Variants in GPC6 observed in about 807,000 individuals in gnomAD.
GPC6 encodes the protein glypican 6, also known as glypican-6.
In GPC6, 14 loss-of-function variants were observed where a neutral mutation model predicts 55.2. That is an observed-to-expected ratio of 0.25 (90% CI 0.17 to 0.40). The LOEUF is 0.40. Ranked by LOEUF, GPC6 falls within the 10% of genes least tolerant of loss-of-function variation. The pLI is 1.00. For synonymous variants in GPC6, 278 were observed against 259.6 expected (o/e 1.07, Z -0.68); for missense variants, 641 against 708.5 (o/e 0.90, Z 1.08).
intron 1 of GPC6, among the ~76,000 whole-genome samples, chr13:93,415,845 A>G (rs1876678530): frequency 6.6e-6 from 1 of 151,858 alleles, no homozygotes; most frequent in African/African-American, 2.4e-5. Context: ...CATCTTTTTT[A>G]TTGACGTGTT....
chr13:93,832,144 T>A (rs760955020), intron 3 of GPC6, among the ~76,000 whole-genome samples: 7 of 100,808 alleles, frequency 6.9e-5, no homozygotes, highest in Non-Finnish European at 1.1e-4. Flanking sequence ...TATATATATA[T>A]AATGTCCTTA....
intron 6 of GPC6, among the ~76,000 whole-genome samples, chr13:94,323,834 G>A (rs116441567): frequency 0.014 from 2,097 of 152,212 alleles, 46 homozygotes; most frequent in African/African-American, 0.043. Context: ...CATTTATTCA[G>A]TGACTCTTCA....
Position 93,581,596 on chromosome 13 carries a change from A to C in GPC6, c.319+36175A>C, listed in dbSNP as rs539851984. On this transcript the variant is annotated intron_variant, in intron 2 of 8. Coordinates refer to ENST00000377047, the MANE Select transcript of GPC6 (RefSeq NM_005708.5). ...GTGGTGCACTCCTGTAGTCTTAGCT[A>C]CTCGGGAGGCTGAGGTGGGAGAATC... is the stretch of plus-strand genomic sequence containing the variant. Among the ~76,000 whole-genome samples, 13 of 152,198 alleles carry C rather than the reference A, an allele frequency of 8.5e-5. No individual in the cohort carries two copies. In the East Asian group the frequency reaches 2.5e-3, roughly 29 times the overall value.
At chr13:93,887,982 T>G (rs898175529) in intron 3 of GPC6, among the ~76,000 whole-genome samples, 1 of 152,128 alleles carries the variant, frequency 6.6e-6, no homozygotes, top group African/African-American at 2.4e-5. Context: ...TGGGGTCCAC[T>G]CCATAGCATA....
At chr13:93,820,199 A>G (rs1361095847) in intron 2 of GPC6, among the ~76,000 whole-genome samples, 1 of 152,160 alleles carries the variant, frequency 6.6e-6, no homozygotes, top group Admixed American at 6.5e-5. Context: ...AAAGTTTATT[A>G]AATTAGACAC....
intron 2 of GPC6, among the ~76,000 whole-genome samples, chr13:93,811,071 G>A (rs61962145): frequency 3.3e-5 from 5 of 152,162 alleles, no homozygotes; most frequent in African/African-American, 1.2e-4. Context: ...AAATTACCTT[G>A]TATTCATTTA....
At chr13:93,897,044 A>ATG (rs1326044774) in intron 3 of GPC6, among the ~76,000 whole-genome samples, 2 of 148,738 alleles carry the variant, frequency 1.3e-5, no homozygotes, top group African/African-American at 2.5e-5. Flanking sequence ...AGTATTAGCT[A>ATG]TGTGTGTGTG....
In GPC6 at chr13:94,188,170, A is replaced by C. The variant is rs538729938; in HGVS notation, c.878-98179A>C. 7.2e-5 allele frequency among the ~76,000 whole-genome samples: 11 copies of C among 152,310 alleles called. No homozygotes were observed. In the South Asian group the frequency reaches 2.3e-3, roughly 32 times the overall value. ...ATGATACTCACTTCATGTCTCAGTG[A>C]CCTAGAAAGGAGTGTGTGCACTAAG... On this transcript the variant is annotated intron_variant, in intron 4 of 8. Coordinates refer to ENST00000377047, the MANE Select transcript of GPC6 (RefSeq NM_005708.5).
At chr13:93,525,361 G>A (rs1262874552) in intron 1 of GPC6, among the ~76,000 whole-genome samples, 1 of 151,988 alleles carries the variant, frequency 6.6e-6, no homozygotes, top group African/African-American at 2.4e-5. Context: ...CTCACAAAAT[G>A]TGCTATCAAA....
rs1350574961 is a variant in GPC6, at chr13:93,805,265, A to G, written c.320-24889A>G. Among the ~76,000 whole-genome samples, 3 of 152,198 alleles carry G rather than the reference A, an allele frequency of 2.0e-5. No individual in the cohort carries two copies. In the East Asian group the frequency reaches 5.8e-4, roughly 29 times the overall value. ...ATTAAATCTATACTTATAGTTATCA[A>G]TATAATAACATATTACACTTATATA... On this transcript the variant is annotated intron_variant, in intron 2 of 8. Transcript: ENST00000377047.
chr13:94,368,210 A>G (rs1291633413), intron 6 of GPC6, among the ~76,000 whole-genome samples: 1 of 151,808 alleles, frequency 6.6e-6, no homozygotes, highest in Admixed American at 6.6e-5. Context: ...GAAACAGACT[A>G]GAAATTATCA....
intron 1 of GPC6, among the ~76,000 whole-genome samples, chr13:93,275,670 T>A (rs1877708151): frequency 6.6e-6 from 1 of 152,164 alleles, no homozygotes; most frequent in Admixed American, 6.6e-5. Context: ...TGTGTGTGCA[T>A]CCTTGGTGTC....
chr13:94,181,700 T>G (rs1404450457), intron 4 of GPC6, among the ~76,000 whole-genome samples: 1 of 152,180 alleles, frequency 6.6e-6, no homozygotes, highest in Non-Finnish European at 1.5e-5. Context: ...AACTTTTAAT[T>G]TCAGAGTCAT....
intron 2 of GPC6, among the ~76,000 whole-genome samples, chr13:93,745,959 A>T (rs1008495905): frequency 1.3e-5 from 2 of 152,222 alleles, no homozygotes; most frequent in Non-Finnish European, 2.9e-5. Context: ...CAAATCAGTG[A>T]TAATGAAATT....
chr13:93,387,725 T>G (rs1282017351), intron 1 of GPC6, among the ~76,000 whole-genome samples: 1 of 152,174 alleles, frequency 6.6e-6, no homozygotes, highest in Non-Finnish European at 1.5e-5. Flanking sequence ...TAAAATGCTA[T>G]TAATTTGCTC....
chr13:94,367,790 T>C (rs2389092), intron 6 of GPC6, among the ~76,000 whole-genome samples: 1 of 151,930 alleles, frequency 6.6e-6, no homozygotes, highest in South Asian at 2.1e-4. Context: ...CCTACTTTTT[T>C]AAAATTTTTA....
chr13:93,777,978 A>T (rs2138902462), intron 2 of GPC6, among the ~76,000 whole-genome samples: 1 of 152,314 alleles, frequency 6.6e-6, no homozygotes, highest in Non-Finnish European at 1.5e-5. Context: ...TCAGTGTAAG[A>T]GAGATCTTGA....
chr13:93,736,097 A>G (rs1483577830), intron 2 of GPC6, among the ~76,000 whole-genome samples: 3 of 152,212 alleles, frequency 2.0e-5, no homozygotes, highest in African/African-American at 7.2e-5. Flanking sequence ...ATTTGGCTCT[A>G]GAAGAGTTTA....
At chr13:94,370,794 A>G (rs571419075) in intron 6 of GPC6, among the ~76,000 whole-genome samples, 6 of 152,374 alleles carry the variant, frequency 3.9e-5, no homozygotes, top group Middle Eastern at 3.4e-3. Context: ...ATAAATTGTA[A>G]CATAAGCACT....
Sources: allele counts gnomAD v4.1 joint callset (sites outside exome capture counted in the v4.1 genomes callset), GRCh38; gene constraint gnomAD v4.1.1; transcripts MANE v1.5; gene names NCBI Gene and HGNC (gene_info 2026-07-23, HGNC 2026-07-21).